The following MEGF8 variants were observed in gnomAD, a reference collection of about 807,000 sequenced individuals.
The protein encoded by MEGF8 is multiple EGF like domains 8, also known as multiple epidermal growth factor-like domains protein 8.
In MEGF8, 156 loss-of-function variants were observed where a neutral mutation model predicts 302.9. The ratio of observed to expected loss-of-function variants is 0.52; its 90% CI spans 0.45 to 0.59. MEGF8 has a LOEUF of 0.59. Among genes scored for constraint, MEGF8 ranks in the 20% least tolerant of loss-of-function variants. MEGF8 has a pLI of 0.00. For synonymous variants in MEGF8, 1,621 were observed against 1,660.5 expected (o/e 0.98, Z 0.58); for missense variants, 3,345 against 3,964.5 (o/e 0.84, Z 4.20).
At position 42,354,457 on chromosome 19, in the gene MEGF8, C is replaced by T; in HGVS notation, c.4012-131C>T. The T allele has an allele frequency of 9.4e-7, 1 of 1,060,734 alleles. No individual in the cohort carries two copies. The highest frequency in any genetic ancestry group is 1.4e-6 in the Non-Finnish European group (1 of 723,152). 65.7% of individuals were successfully genotyped at this position (1,060,734 alleles called of 1,614,324 possible). ...GCCTTATGCCATAGTTTGACAGTCT[C>T]CCCTGGATGTTCAAACAGCCCATTT... is the stretch of plus-strand genomic sequence containing the variant. On this transcript the variant is annotated intron_variant, in intron 22 of 41. Coordinates refer to ENST00000251268, the MANE Select transcript of MEGF8 (RefSeq NM_001271938.2). The surrounding 1 kb of genome is among the most constrained non-coding windows in gnomAD (Gnocchi z 4.3).
chr19:42,337,061 A>G (rs772318146), intron 7 of MEGF8, 23 bp from the exon 8 acceptor site: 1 of 1,613,538 alleles, frequency 6.2e-7, no homozygotes, highest in Non-Finnish European at 8.5e-7. Flanking sequence ...CTTGCCAGCT[A>G]TGCCCCTTTC....
chr19:42,333,568 C>A (rs142139924), intron 1 of MEGF8, 37 bp from the exon 2 acceptor site: 31 of 1,593,024 alleles, frequency 1.9e-5, no homozygotes, highest in Non-Finnish European at 2.7e-5. Flanking sequence ...GGAGAAGGTC[C>A]GCTTTAGAGC....
chr19:42,345,573 G>A (rs1385418955), intron 12 of MEGF8, among the ~76,000 whole-genome samples: 1 of 152,212 alleles, frequency 6.6e-6, no homozygotes, highest in Non-Finnish European at 1.5e-5. Context: ...CTTTCACTCA[G>A]CGTAATGTTT....
At chr19:42,373,426 G>T (rs1157185423) in intron 41 of MEGF8, among the ~76,000 whole-genome samples, 1 of 151,566 alleles carries the variant, frequency 6.6e-6, no homozygotes, top group African/African-American at 2.4e-5. Context: ...TTTAAGACAG[G>T]GTCTGGCTCT....
rs1216603294 is a variant in MEGF8 at position 42,344,063 on chromosome 19, C to T, written c.1778C>T (p.Pro593Leu). The T allele has an allele frequency of 6.2e-7, 1 of 1,613,230 alleles. No homozygotes were observed. Among genetic ancestry groups the T allele is most frequent in the East Asian group, 2.2e-5 (1 of 44,894 alleles). The change falls in exon 10 of 42, where the codon CCC becomes CTC. Residue 593 changes from proline (P) to leucine (L), a missense_variant. Transcript: ENST00000251268. This position sits in a 1 kb window ranked among gnomAD's most constrained non-coding sequence, Gnocchi z 4.5. ...CAAGCTGCACCCCCTCCTGGGACCC[C>T]CTTGGGGGCTGTGAGTGACAGCCCT... ...ACQAAPPPGT[P>L]LGACPAASCL...
chr19:42,361,867 T>C (rs1231861069), intron 32 of MEGF8, among the ~76,000 whole-genome samples: 1 of 152,044 alleles, frequency 6.6e-6, no homozygotes, highest in Non-Finnish European at 1.5e-5. Flanking sequence ...CTTCGGTGGC[T>C]GCATGGGCAG....
In MEGF8 at chr19:42,357,595, G is replaced by A. The variant is rs1267223073; in HGVS notation, c.5011+11G>A. ...GGACACCCCCCACAGGTGGGGCTGG[G>A]GACCGGGAGGGGACAGCCCCCGTGG... On this transcript the variant is annotated intron_variant, in intron 28 of 41. Transcript: ENST00000251268. The surrounding 1 kb of genome is among the most constrained non-coding windows in gnomAD (Gnocchi z 5.2). The A allele has an allele frequency of 1.9e-6, 3 of 1,580,312 alleles. No homozygotes were observed. The highest frequency in any genetic ancestry group is 2.6e-6 in the Non-Finnish European group (3 of 1,164,516).
chr19:42,368,560 T>C lies in MEGF8; in HGVS notation c.6379T>C (p.Cys2127Arg). ...CSLGCAQATQ[C>R]ALCLRRPHCG... ...CCTGGGCTGTGCTCAGGCAACTCAG[T>C]GCGCCTTGTGCCTGCGGCGCCCCCA... is the stretch of plus-strand genomic sequence containing the variant. Residue 2127 changes from cysteine (C) to arginine (R), a missense_variant, in exon 36 of 42, where the codon TGC (cysteine) becomes CGC (arginine). Transcript: ENST00000251268. The surrounding 1 kb of genome is among the most constrained non-coding windows in gnomAD (Gnocchi z 4.9). 6.3e-7 allele frequency: 1 copy of C among 1,595,768 alleles called. No individual in the cohort carries two copies. Among genetic ancestry groups the C allele is most frequent in the Non-Finnish European group, 8.5e-7 (1 of 1,171,844 alleles).
chr19:42,359,649 C>T (rs2039503399), intron 31 of MEGF8, among the ~76,000 whole-genome samples: 1 of 151,982 alleles, frequency 6.6e-6, no homozygotes, highest in Admixed American at 6.6e-5. Flanking sequence ...GGGACTGTCT[C>T]CTTTTCTTTT....
At chr19:42,326,686 A>C (rs2038988359) in intron 1 of MEGF8, among the ~76,000 whole-genome samples, 1 of 151,004 alleles carries the variant, frequency 6.6e-6, no homozygotes, top group African/African-American at 2.4e-5. Flanking sequence ...ACTGTTAAGA[A>C]CTCAGGGTCT....
At position 42,368,485 on chromosome 19, in the gene MEGF8, T is replaced by C. The variant is rs747804190; in HGVS notation, c.6304T>C (p.Cys2102Arg). 4 of 1,610,020 alleles carry C rather than the reference T, an allele frequency of 2.5e-6. No homozygotes were observed. Among genetic ancestry groups the C allele is most frequent in the Non-Finnish European group, 3.4e-6 (4 of 1,178,814 alleles). ...GAGCCCTTCCTACCTGCCCCTGCGA[T>C]GTATGGCCGGAGGCTGTGGGCGGCT... The part of the protein sequence containing the change: ...CLSPSYLPLR[C>R]MAGGCGRLLR... The change falls in exon 36 of 42, where the codon TGT becomes CGT. Residue 2102 changes from cysteine to arginine, a missense_variant. Coordinates refer to ENST00000251268, the MANE Select transcript of MEGF8 (RefSeq NM_001271938.2). This position sits in a 1 kb window ranked among gnomAD's most constrained non-coding sequence, Gnocchi z 4.9.
rs1202934298 is a variant in MEGF8, at chr19:42,351,445, G to T, written c.2872G>T (p.Asp958Tyr). The change falls in exon 17 of 42, where the codon GAC becomes TAC. Residue 958 changes from aspartate (D) to tyrosine (Y), a missense_variant. By Grantham distance (160) the Asp-to-Tyr change is radical (BLOSUM62 -3). Coordinates refer to ENST00000251268, the MANE Select transcript of MEGF8 (RefSeq NM_001271938.2). This position sits in a 1 kb window ranked among gnomAD's most constrained non-coding sequence, Gnocchi z 5.6. Reference sequence around the variant, plus strand: ...CCACCCCAGGCGACTGACCTGTGAGGACTGCCTGGCCAACTCTAGCCAGTG... The same window carrying T: ...CCACCCCAGGCGACTGACCTGTGAGTACTGCCTGGCCAACTCTAGCCAGTG... ...PLCSQRLTCEDCLANSSQCAW... is the reference protein window; with the variant it reads ...PLCSQRLTCEYCLANSSQCAW... 1 of 1,597,528 alleles carries T rather than the reference G, an allele frequency of 6.3e-7. No homozygotes were observed.
Position 42,358,447 on chromosome 19 carries a change from A to G in MEGF8, c.5175+140A>G. The G allele has an allele frequency of 2.7e-6, 3 of 1,111,488 alleles. No individual in the cohort carries two copies. Among genetic ancestry groups the G allele is most frequent in the East Asian group, 5.8e-5 (2 of 34,782 alleles). 68.9% of individuals were successfully genotyped at this position (1,111,488 alleles called of 1,614,324 possible). Reference sequence around the variant, plus strand: ...TTCCCTAACTAAGCGACACCCCCACATCTCCCCCGCTTCCATCCCTGATTT... The same window carrying G: ...TTCCCTAACTAAGCGACACCCCCACGTCTCCCCCGCTTCCATCCCTGATTT... On this transcript the variant is annotated intron_variant, in intron 29 of 41. Coordinates refer to ENST00000251268, the MANE Select transcript of MEGF8 (RefSeq NM_001271938.2). The surrounding 1 kb of genome is among the most constrained non-coding windows in gnomAD (Gnocchi z 4.4).
At chr19:42,365,853 G>T (rs1205777107) in intron 35 of MEGF8, among the ~76,000 whole-genome samples, 1 of 151,746 alleles carries the variant, frequency 6.6e-6, no homozygotes, top group South Asian at 2.1e-4. Context: ...GGAGGCTGAG[G>T]TGGGTGGATC....
chr19:42,343,259 G>A (rs991214810), intron 8 of MEGF8, among the ~76,000 whole-genome samples: 9 of 152,186 alleles, frequency 5.9e-5, no homozygotes, highest in African/African-American at 2.2e-4. Context: ...TTGAACCCAA[G>A]TCTTTCTGAC....
Position 42,358,764 on chromosome 19 carries a change from C to A in MEGF8, c.5176-23C>A. On this transcript the variant is annotated intron_variant, in intron 29 of 41. Transcript: ENST00000251268. This position sits in a 1 kb window ranked among gnomAD's most constrained non-coding sequence, Gnocchi z 4.4. The stretch of plus-strand genomic sequence containing the variant: ...CAAGAGACTCGAGGAGCCTCAACCC[C>A]AGGACGCCCCCACTGTCACTAGCGA... 1 of 1,501,198 alleles carries A rather than the reference C, an allele frequency of 6.7e-7. No homozygotes were observed. 93.0% of individuals were successfully genotyped at this position (1,501,198 alleles called of 1,614,324 possible).
In MEGF8 at chr19:42,344,452, C is replaced by CA; in HGVS notation, c.1801dup (p.Ser601LysfsTer11). 1 of 1,591,990 alleles carries CA rather than the reference C, an allele frequency of 6.3e-7. No homozygotes were observed. Among genetic ancestry groups the CA allele is most frequent in the Non-Finnish European group, 8.5e-7 (1 of 1,176,008 alleles). On this transcript the variant is annotated frameshift_variant, in exon 11 of 42. Coordinates refer to ENST00000251268, the MANE Select transcript of MEGF8 (RefSeq NM_001271938.2). LOFTEE classifies it high-confidence loss of function. This position sits in a 1 kb window ranked among gnomAD's most constrained non-coding sequence, Gnocchi z 4.5. ...TCTCCTCCTCGCAGTGTCCAGCCGC[C>CA]AGCTGCCTGGGCCTGGGCCGCCTCC...
At chr19:42,342,395 T>C (rs932462572) in intron 8 of MEGF8, among the ~76,000 whole-genome samples, 10 of 152,218 alleles carry the variant, frequency 6.6e-5, no homozygotes, top group Admixed American at 3.3e-4. Context: ...TCCCAGCACT[T>C]TGGGAGGCCG....
rs2039362010 is a variant in MEGF8 at position 42,351,053 on chromosome 19, G to A, written c.2737-163G>A. The A allele has an allele frequency of 3.1e-6, 2 of 655,302 alleles. No homozygotes were observed. Among genetic ancestry groups the A allele is most frequent in the Non-Finnish European group, 2.7e-6 (1 of 375,226 alleles). The allele number at this position is 655,302 out of a possible 1,614,324, so 40.6% of individuals were successfully genotyped here. ...GGGTGCTGGGCGGGCCGACCCATGG[G>A]TGTCTGTGGTCGAAGGGAGGGGTCC... On this transcript the variant is annotated intron_variant, in intron 15 of 41. Coordinates refer to ENST00000251268, the MANE Select transcript of MEGF8 (RefSeq NM_001271938.2). This position sits in a 1 kb window ranked among gnomAD's most constrained non-coding sequence, Gnocchi z 5.6.
Sources: gnomAD v4.1 joint callset for allele counts (sites outside exome capture counted in the v4.1 genomes callset) on GRCh38, gnomAD v4.1.1 for gene constraint, Gnocchi (gnomAD v3.1) non-coding constraint, MANE v1.5 for transcripts, NCBI Gene and HGNC (gene_info 2026-07-23, HGNC 2026-07-21) for gene names.